The following DIP2C variants were observed in gnomAD, a reference collection of about 807,000 sequenced individuals.
DIP2C encodes disco-interacting protein 2 homolog C.
A neutral mutation model predicts 192.4 loss-of-function variants in DIP2C; 33 were observed. The ratio of observed to expected loss-of-function variants is 0.17; its 90% confidence interval spans 0.13 to 0.23. The LOEUF is 0.23. DIP2C is among the 10% of genes least tolerant of loss of function. The pLI is 1.00. For synonymous variants in DIP2C, 979 were observed against 864.1 expected (o/e 1.13, Z -2.33); for missense variants, 1,537 against 2,110.1 (o/e 0.73, Z 5.32).
At chr10:492,836 C>CA (rs1844542043) in intron 1 of DIP2C, among the ~76,000 whole-genome samples, 2 of 152,274 alleles carry the variant, frequency 1.3e-5, no homozygotes, top group South Asian at 4.1e-4. Flanking sequence ...GTTTGGAATC[C>CA]ATTCTATTTG....
chr10:465,892 T>C (rs1190739858), intron 3 of DIP2C, among the ~76,000 whole-genome samples: 7 of 151,604 alleles, frequency 4.6e-5, no homozygotes, highest in Non-Finnish European at 8.8e-5. Context: ...TAAAAGAGGA[T>C]ACAAACAAAT....
At chr10:555,406 T>C (rs1174776236) in intron 1 of DIP2C, among the ~76,000 whole-genome samples, 1 of 151,978 alleles carries the variant, frequency 6.6e-6, no homozygotes, top group East Asian at 1.9e-4. Flanking sequence ...GGTGAAAGAG[T>C]AAGGACACGC....
chr10:411,096 C>A lies in DIP2C; in HGVS notation c.1058-2079G>T, dbSNP rs888127631. On this transcript the variant is annotated intron_variant, in intron 8 of 36. Coordinates refer to ENST00000280886, the MANE Select transcript of DIP2C (RefSeq NM_014974.3). ...AGCTTGAGAGAGACACCATCAACCA[C>A]GCAAAAAAGCAGCAAGGCCACAGAA... Among the ~76,000 whole-genome samples the A allele has an allele frequency of 5.9e-5, 9 of 152,314 alleles. No individual in the cohort carries two copies. The East Asian group carries it at 1.4e-3, about 23-fold the overall frequency.
At chr10:537,686 G>A (rs11818128) in intron 1 of DIP2C, among the ~76,000 whole-genome samples, 4,599 of 152,240 alleles carry the variant, frequency 0.03, 128 homozygotes, top group African/African-American at 0.07. Flanking sequence ...GAAGACACGA[G>A]ACACAGGCTG....
At chr10:352,806 C>T (rs905093342) in intron 24 of DIP2C, among the ~76,000 whole-genome samples, 7 of 152,140 alleles carry the variant, frequency 4.6e-5, no homozygotes, top group East Asian at 3.9e-4. Flanking sequence ...TGTGGTTGAA[C>T]GGGACACAGC....
chr10:498,438 GCAGGCGC>G (rs1387836560), intron 1 of DIP2C, among the ~76,000 whole-genome samples: 2 of 152,176 alleles, frequency 1.3e-5, no homozygotes, highest in East Asian at 3.9e-4. Flanking sequence ...GGCCACAGAA[GCAGGCGC>G]CAGTGGAGAT....
At chr10:543,128 G>C (rs1364627380) in intron 1 of DIP2C, among the ~76,000 whole-genome samples, 1 of 152,228 alleles carries the variant, frequency 6.6e-6, no homozygotes, top group South Asian at 2.1e-4. Context: ...GATACAACTG[G>C]ACAGCAGTGA....
At chr10:510,703 C>A (rs1271009989) in intron 1 of DIP2C, among the ~76,000 whole-genome samples, 1 of 152,244 alleles carries the variant, frequency 6.6e-6, no homozygotes, top group Non-Finnish European at 1.5e-5. Flanking sequence ...CCTGAGAGAG[C>A]AGCTGACTGC....
intron 32 of DIP2C, among the ~76,000 whole-genome samples, chr10:300,430 C>A (rs116537447): frequency 6.6e-6 from 1 of 152,284 alleles, no homozygotes; most frequent in East Asian, 1.9e-4. Flanking sequence ...ACATGAGGTA[C>A]CTACCTAGAG....
chr10:318,014 G>T (rs966171649), intron 31 of DIP2C, among the ~76,000 whole-genome samples: 4 of 152,152 alleles, frequency 2.6e-5, no homozygotes, highest in Non-Finnish European at 5.9e-5. Flanking sequence ...CAGAGGCTTC[G>T]GCTTGTCTCC....
At chr10:398,727 A>C (rs923513313) in intron 10 of DIP2C, among the ~76,000 whole-genome samples, 1 of 152,218 alleles carries the variant, frequency 6.6e-6, no homozygotes, top group South Asian at 2.1e-4. Context: ...AAACCTGACA[A>C]ATCATAGGTC....
chr10:422,777 A>G (rs1966287760), intron 5 of DIP2C, 47 bp downstream of exon 5: 1 of 1,570,668 alleles, frequency 6.4e-7, no homozygotes, highest in South Asian at 1.1e-5. Context: ...GCACACACAA[A>G]GGCGTTTACA....
chr10:329,738 A>G, intron 29 of DIP2C, 137 bp from the exon 30 acceptor site: 1 of 1,126,198 alleles, frequency 8.9e-7, no homozygotes, highest in Non-Finnish European at 1.2e-6. Flanking sequence ...GTAGAAGGGC[A>G]CAGTAAAGCC....
intron 3 of DIP2C, among the ~76,000 whole-genome samples, chr10:446,297 A>T (rs1243115375): frequency 6.6e-6 from 1 of 151,642 alleles, no homozygotes; most frequent in Non-Finnish European, 1.5e-5. Flanking sequence ...ATCTATATAC[A>T]TCTGTTGCGA....
chr10:536,830 G>A (rs1453544698), intron 1 of DIP2C, among the ~76,000 whole-genome samples: 1 of 152,186 alleles, frequency 6.6e-6, no homozygotes, highest in African/African-American at 2.4e-5. Context: ...AAGGGAAAAG[G>A]CAGTCATCTG....
Position 392,906 on chromosome 10 carries a change from G to A in DIP2C, c.1261-2043C>T, listed in dbSNP as rs542714671. Among the ~76,000 whole-genome samples, 56 of 151,642 alleles carry A rather than the reference G, an allele frequency of 3.7e-4. 1 individual carries two copies. The South Asian group carries it at 6.3e-3, about 17-fold the overall frequency. On this transcript the variant is annotated intron_variant, in intron 10 of 36. Coordinates refer to ENST00000280886, the MANE Select transcript of DIP2C (RefSeq NM_014974.3). ...CACACACGTGCCCACACACAGGCGCGCACACACACTCAACAAAGAAAGGGA... is the reference window on the plus strand; with the variant it reads ...CACACACGTGCCCACACACAGGCGCACACACACACTCAACAAAGAAAGGGA...
chr10:399,252 C>G (rs756804590), intron 9 of DIP2C, 33 bp from the exon 10 acceptor site: 3 of 1,584,380 alleles, frequency 1.9e-6, no homozygotes, highest in Non-Finnish European at 2.6e-6. Context: ...TCAGCATTAA[C>G]GTGGGGTCCT....
chr10:612,114 T>C (rs894700511), intron 1 of DIP2C, among the ~76,000 whole-genome samples: 2 of 152,026 alleles, frequency 1.3e-5, no homozygotes, highest in African/African-American at 4.8e-5. Flanking sequence ...GGCCAACATG[T>C]TGAAACCTCG....
chr10:395,028 A>G (rs1963862486), intron 10 of DIP2C, among the ~76,000 whole-genome samples: 1 of 151,108 alleles, frequency 6.6e-6, no homozygotes. Flanking sequence ...AGGCACAGAA[A>G]GACCAAGGCT....
Sources: allele counts gnomAD v4.1 joint callset (sites outside exome capture counted in the v4.1 genomes callset), GRCh38; gene constraint gnomAD v4.1.1; transcripts MANE v1.5; gene names NCBI Gene and HGNC (gene_info 2026-07-23, HGNC 2026-07-21).